Variants in MSRA observed in about 807,000 individuals in gnomAD.
MSRA encodes the protein methionine sulfoxide reductase A.
In MSRA, 54 loss-of-function variants were observed where a neutral mutation model predicts 31.3. The ratio of observed to expected loss-of-function variants is 1.73; its 90% CI spans 1.39 to 2.17. The LOEUF is 2.17. MSRA is among the 30% of genes most tolerant of loss of function. The pLI is 0.00. For synonymous variants in MSRA, 169 were observed against 116.5 expected (o/e 1.45, Z -2.90); for missense variants, 507 against 300.9 (o/e 1.69, Z -5.07).
chr8:10,085,664 T>G (rs1041291283), intron 1 of MSRA, among the ~76,000 whole-genome samples: 2 of 152,224 alleles, frequency 1.3e-5, no homozygotes, highest in Non-Finnish European at 2.9e-5. Context: ...TTAACAAGTT[T>G]GTACAGTTGT....
intron 1 of MSRA, among the ~76,000 whole-genome samples, chr8:10,168,709 A>G (rs1303888730): frequency 6.6e-6 from 1 of 152,162 alleles, no homozygotes; most frequent in East Asian, 1.9e-4. Flanking sequence ...CTGTTTTCAG[A>G]AGTGCCCATC....
chr8:10,272,663 CTTACTCGCGCTT>C (rs531748894), intron 3 of MSRA, among the ~76,000 whole-genome samples: 92 of 152,328 alleles, frequency 6.0e-4, no homozygotes, highest in Non-Finnish European at 1.2e-3. Context: ...AACCCTCACT[CTTACTCGCGCTT>C]TAAGACTACC....
At chr8:10,115,770 C>G (rs996480065) in intron 1 of MSRA, among the ~76,000 whole-genome samples, 2 of 152,190 alleles carry the variant, frequency 1.3e-5, no homozygotes, top group Non-Finnish European at 1.5e-5. Flanking sequence ...AGGACGTCAT[C>G]TTAGTCACTG....
intron 2 of MSRA, among the ~76,000 whole-genome samples, chr8:10,234,865 T>G (rs1424807191): frequency 6.6e-6 from 1 of 151,944 alleles, no homozygotes; most frequent in African/African-American, 2.4e-5. Context: ...ACAAAAGGAA[T>G]AGTAGCAAGA....
chr8:10,414,451 G>A lies in MSRA; in HGVS notation c.544-13697G>A, dbSNP rs555612073. On this transcript the variant is annotated intron_variant, in intron 5 of 5. Coordinates refer to ENST00000317173, the MANE Select transcript of MSRA (RefSeq NM_012331.5). ...GTGACCCACCATCTCAGTTTGCCAG[G>A]ACTTTCCTAGCGTTGGCACTGAAAG... Among the ~76,000 whole-genome samples the A allele has an allele frequency of 2.6e-5, 4 of 152,296 alleles. No homozygotes were observed. The South Asian group carries it at 6.2e-4, about 24-fold the overall frequency.
chr8:10,267,060 A>T (rs568454208), intron 3 of MSRA, among the ~76,000 whole-genome samples: 98 of 152,324 alleles, frequency 6.4e-4, no homozygotes, highest in Middle Eastern at 3.4e-3. Context: ...ATGGAGCAAG[A>T]AGTATTCCTC....
At chr8:10,188,079 G>C (rs920370896) in intron 1 of MSRA, among the ~76,000 whole-genome samples, 5 of 152,216 alleles carry the variant, frequency 3.3e-5, no homozygotes, top group Admixed American at 2.0e-4. Context: ...TTTTGAAATA[G>C]TTGAAGACTG....
At chr8:10,266,802 C>A (rs1359878717) in intron 3 of MSRA, among the ~76,000 whole-genome samples, 1 of 152,152 alleles carries the variant, frequency 6.6e-6, no homozygotes, top group Non-Finnish European at 1.5e-5. Context: ...CATATTGGAT[C>A]TGTGGATTAA....
chr8:10,252,895 T>G (rs997180556), intron 3 of MSRA, among the ~76,000 whole-genome samples: 8 of 152,226 alleles, frequency 5.3e-5, no homozygotes, highest in Non-Finnish European at 1.5e-5. Flanking sequence ...AGTGACTCTA[T>G]GGGGGTTCTC....
chr8:10,081,986 G>T (rs1426036273), intron 1 of MSRA, among the ~76,000 whole-genome samples: 1 of 152,136 alleles, frequency 6.6e-6, no homozygotes, highest in African/African-American at 2.4e-5. Flanking sequence ...AGGACTGCTT[G>T]AAGCTCAGAG....
At chr8:10,078,269 A>G (rs1275412148) in intron 1 of MSRA, among the ~76,000 whole-genome samples, 2 of 152,060 alleles carry the variant, frequency 1.3e-5, no homozygotes, top group Admixed American at 1.3e-4. Context: ...CTACTCAGCC[A>G]GTTTGCTATC....
At chr8:10,357,057 T>A (rs1484298090) in intron 5 of MSRA, among the ~76,000 whole-genome samples, 2 of 152,176 alleles carry the variant, frequency 1.3e-5, no homozygotes, top group African/African-American at 4.8e-5. Flanking sequence ...CATTGGCAGC[T>A]GCATCCAGAG....
intron 5 of MSRA, among the ~76,000 whole-genome samples, chr8:10,366,552 T>C (rs1034015532): frequency 6.6e-6 from 1 of 152,202 alleles, no homozygotes; most frequent in Non-Finnish European, 1.5e-5. Context: ...GGAGCTGTGG[T>C]GATCTTTTGG....
intron 3 of MSRA, among the ~76,000 whole-genome samples, chr8:10,264,563 TG>T (rs1399555160): frequency 2.0e-5 from 3 of 152,040 alleles, no homozygotes; most frequent in Admixed American, 6.5e-5. Flanking sequence ...GGAGCCCAGG[TG>T]GGTGCAACAG....
intron 5 of MSRA, among the ~76,000 whole-genome samples, chr8:10,330,706 A>C (rs902269349): frequency 1.3e-5 from 2 of 152,190 alleles, no homozygotes; most frequent in Admixed American, 1.3e-4. Context: ...TTCTACATTA[A>C]GTAAGCTTAT....
intron 3 of MSRA, among the ~76,000 whole-genome samples, chr8:10,270,037 G>A (rs1311825219): frequency 1.3e-5 from 2 of 152,200 alleles, no homozygotes; most frequent in African/African-American, 4.8e-5. Flanking sequence ...AAGATAATGT[G>A]CAATGGATAG....
intron 1 of MSRA, among the ~76,000 whole-genome samples, chr8:10,155,124 T>C (rs1804041338): frequency 6.6e-6 from 1 of 152,066 alleles, no homozygotes; most frequent in African/African-American, 2.4e-5. Context: ...TAAAAAGTTA[T>C]ACTCACACCA....
At chr8:10,118,483 C>G (rs943674961) in intron 1 of MSRA, among the ~76,000 whole-genome samples, 1 of 152,102 alleles carries the variant, frequency 6.6e-6, no homozygotes. Flanking sequence ...CCATCTCTCC[C>G]CTCTTTAAAG....
intron 1 of MSRA, among the ~76,000 whole-genome samples, chr8:10,152,033 C>G (rs1362082703): frequency 6.6e-6 from 1 of 152,192 alleles, no homozygotes; most frequent in Non-Finnish European, 1.5e-5. Context: ...GAAGTAGTTT[C>G]TTATTTCAAT....
Sources: gnomAD v4.1 joint callset for allele counts (sites outside exome capture counted in the v4.1 genomes callset) on GRCh38, gnomAD v4.1.1 for gene constraint, MANE v1.5 for transcripts, NCBI Gene and HGNC (gene_info 2026-07-23, HGNC 2026-07-21) for gene names.